ADAMTS6: variants seen among roughly 807,000 people sequenced by gnomAD.
ADAMTS6 encodes ADAM metallopeptidase with thrombospondin type 1 motif 6.
In ADAMTS6, 23 loss-of-function variants were observed where a neutral mutation model predicts 144.3. The observed-to-expected ratio is 0.16, with a 90% CI of 0.11 to 0.23. ADAMTS6 has a LOEUF of 0.23. Among genes scored for constraint, ADAMTS6 ranks in the 10% least tolerant of loss-of-function variants. The probability of loss-of-function intolerance (pLI) is 1.00; values close to 1 mark genes in which losing one functional copy is unlikely to be tolerated. For synonymous variants in ADAMTS6, 444 were observed against 457.5 expected (o/e 0.97, Z 0.38); for missense variants, 999 against 1,379.6 (o/e 0.72, Z 4.37).
chr5:65,320,410 T>C (rs1327391320), intron 9 of ADAMTS6, among the ~76,000 whole-genome samples: 1 of 152,088 alleles, frequency 6.6e-6, no homozygotes, highest in Non-Finnish European at 1.5e-5. Context: ...AATAAAGAAA[T>C]TAAATTTTTA....
At chr5:65,409,262 T>C (rs1754846526) in intron 7 of ADAMTS6, among the ~76,000 whole-genome samples, 1 of 151,600 alleles carries the variant, frequency 6.6e-6, no homozygotes, top group Non-Finnish European at 1.5e-5. Context: ...GCAAGACTAA[T>C]AAAGCAGAAA....
At chr5:65,437,968 A>C (rs1195309035) in intron 7 of ADAMTS6, among the ~76,000 whole-genome samples, 1 of 152,190 alleles carries the variant, frequency 6.6e-6, no homozygotes, top group Non-Finnish European at 1.5e-5. Flanking sequence ...TTCTTACTAT[A>C]ATTTAAATGT....
chr5:65,173,231 C>T lies in ADAMTS6; in HGVS notation c.2911-223G>A, dbSNP rs576333709. 9.2e-5 allele frequency among the ~76,000 whole-genome samples: 14 copies of T among 152,238 alleles called. No individual in the cohort carries two copies. The South Asian group carries it at 2.9e-3, about 32-fold the overall frequency. On this transcript the variant is annotated intron_variant, in intron 22 of 24. Coordinates refer to ENST00000381055, the MANE Select transcript of ADAMTS6 (RefSeq NM_197941.4). ...AGAGCTAAATCCAACATTTGCTTTT[C>T]TTGGCTAACTCATTTTCTTGCTCTA...
intron 22 of ADAMTS6, among the ~76,000 whole-genome samples, chr5:65,182,371 G>A (rs1754413961): frequency 6.7e-6 from 1 of 149,916 alleles, no homozygotes; most frequent in South Asian, 2.1e-4. Context: ...TTGAACCCAG[G>A]AGGCAGAGAC....
At chr5:65,451,174 T>C in intron 7 of ADAMTS6, 1 of 219,474 alleles carries the variant, frequency 4.6e-6, no homozygotes, top group Non-Finnish European at 8.9e-6. Flanking sequence ...GTATGTATTT[T>C]GTTCGGTTAA....
At chr5:65,198,025 T>C (rs2161559) in intron 20 of ADAMTS6, among the ~76,000 whole-genome samples, 25,925 of 152,218 alleles carry the variant, frequency 0.17, 2,397 homozygotes, top group African/African-American at 0.23. Flanking sequence ...ATTTTATGTA[T>C]ACTCATTTTC....
chr5:65,241,375 C>T lies in ADAMTS6; in HGVS notation c.1933+729G>A, dbSNP rs183582332. ...TCTCCCAAGTAGCTGGGACTACAGGCACATGCCACCATGCCCGGCTAATTT... is the reference window on the plus strand; with the variant it reads ...TCTCCCAAGTAGCTGGGACTACAGGTACATGCCACCATGCCCGGCTAATTT... On this transcript the variant is annotated intron_variant, in intron 15 of 24. Transcript: ENST00000381055. 9.9e-5 allele frequency among the ~76,000 whole-genome samples: 15 copies of T among 151,848 alleles called. No individual in the cohort carries two copies. In the East Asian group the frequency reaches 2.5e-3, roughly 26 times the overall value.
chr5:65,315,472 CAT>C (rs1744898797), intron 9 of ADAMTS6, among the ~76,000 whole-genome samples: 1 of 152,022 alleles, frequency 6.6e-6, no homozygotes, highest in South Asian at 2.1e-4. Flanking sequence ...AAGTTACACA[CAT>C]GACAGATATT....
intron 12 of ADAMTS6, among the ~76,000 whole-genome samples, chr5:65,271,344 A>C (rs1306334375): frequency 1.4e-5 from 2 of 145,240 alleles, no homozygotes; most frequent in East Asian, 4.0e-4. Context: ...GTGCCACTGC[A>C]CTCCAGCCTG....
chr5:65,273,506 A>C (rs1390110634), intron 11 of ADAMTS6, 59 bp from the exon 12 acceptor site: 1 of 1,352,500 alleles, frequency 7.4e-7, no homozygotes, highest in East Asian at 2.3e-5. Context: ...ATTCTTCCAT[A>C]AAATACACTT....
At chr5:65,228,884 C>T (rs1297632037) in intron 15 of ADAMTS6, among the ~76,000 whole-genome samples, 1 of 152,166 alleles carries the variant, frequency 6.6e-6, no homozygotes, top group Non-Finnish European at 1.5e-5. Flanking sequence ...AGAAGAGAGG[C>T]CATAGGCCCA....
intron 7 of ADAMTS6, among the ~76,000 whole-genome samples, chr5:65,404,250 C>A (rs1332959762): frequency 1.1e-4 from 16 of 152,006 alleles, no homozygotes; most frequent in Admixed American, 9.8e-4. Flanking sequence ...CACCAATCAA[C>A]TCGTCATTTA....
At chr5:65,408,256 G>A (rs907341031) in intron 7 of ADAMTS6, among the ~76,000 whole-genome samples, 1 of 152,030 alleles carries the variant, frequency 6.6e-6, no homozygotes, top group African/African-American at 2.4e-5. Flanking sequence ...GGAAACCCAT[G>A]TTACGTGCAG....
At chr5:65,413,660 T>C (rs1441528292) in intron 7 of ADAMTS6, among the ~76,000 whole-genome samples, 3 of 152,036 alleles carry the variant, frequency 2.0e-5, no homozygotes, top group African/African-American at 7.2e-5. Context: ...TTAACGTCAT[T>C]TTACAATAAA....
At chr5:65,219,483 AAGTGAAT>A in intron 18 of ADAMTS6, among the ~76,000 whole-genome samples, 1 of 152,228 alleles carries the variant, frequency 6.6e-6, no homozygotes, top group East Asian at 1.9e-4. Flanking sequence ...TACATATGAA[AAGTGAAT>A]AGATAGAAAA....
intron 7 of ADAMTS6, among the ~76,000 whole-genome samples, chr5:65,422,663 A>G (rs894294041): frequency 1.5e-4 from 22 of 148,236 alleles, no homozygotes; most frequent in African/African-American, 5.5e-4. Context: ...TTAAAAAAAA[A>G]CAAGAAAAGG....
chr5:65,247,028 A>G (rs1236424761), intron 14 of ADAMTS6, among the ~76,000 whole-genome samples: 1 of 152,218 alleles, frequency 6.6e-6, no homozygotes, highest in Non-Finnish European at 1.5e-5. Flanking sequence ...TGCAGAAACC[A>G]TAACAGAAAG....
In ADAMTS6 at chr5:65,451,638, T is replaced by C. The variant is rs2150248997; in HGVS notation, c.928-18A>G. On this transcript the variant is annotated intron_variant, in intron 6 of 24. Coordinates refer to ENST00000381055, the MANE Select transcript of ADAMTS6 (RefSeq NM_197941.4). ...AAGTTTGGCTGCAATACAACATGCATACCAGAAATGTTCCAAACAAATTAC... is the reference window on the plus strand; with the variant it reads ...AAGTTTGGCTGCAATACAACATGCACACCAGAAATGTTCCAAACAAATTAC... 1 of 1,610,792 alleles carries C rather than the reference T, an allele frequency of 6.2e-7. No individual in the cohort carries two copies. Among genetic ancestry groups the C allele is most frequent in the East Asian group, 2.2e-5 (1 of 44,626 alleles).
intron 7 of ADAMTS6, among the ~76,000 whole-genome samples, chr5:65,356,388 G>C (rs996287149): frequency 6.6e-6 from 1 of 151,798 alleles, no homozygotes; most frequent in African/African-American, 2.4e-5. Flanking sequence ...ACTCCATCCT[G>C]GTTCTGGTTG....
Sources: gnomAD v4.1 joint callset for allele counts (sites outside exome capture counted in the v4.1 genomes callset) on GRCh38, gnomAD v4.1.1 for gene constraint, MANE v1.5 for transcripts, NCBI Gene and HGNC (gene_info 2026-07-23, HGNC 2026-07-21) for gene names.